Variants in RALYL observed in about 807,000 individuals in gnomAD.
RALYL encodes RNA-binding Raly-like protein.
A neutral mutation model predicts 35.1 loss-of-function variants in RALYL; 29 were observed. That is an observed-to-expected ratio of 0.83 (90% CI 0.61 to 1.13). RALYL has a LOEUF of 1.13. Among genes scored for constraint, RALYL ranks in the 50% most tolerant of loss-of-function variants. The pLI, the probability that RALYL is intolerant of heterozygous loss-of-function variation, is 0.00. For synonymous variants in RALYL, 120 were observed against 127.6 expected (o/e 0.94, Z 0.40); for missense variants, 359 against 360.4 (o/e 1.00, Z 0.03).
chr8:84,835,636 T>C (rs1364871665), intron 4 of RALYL, among the ~76,000 whole-genome samples: 26 of 139,890 alleles, frequency 1.9e-4, no homozygotes, highest in Non-Finnish European at 6.0e-5. Context: ...TGAGCCAAGA[T>C]CGTGCCATTG....
chr8:84,345,945 T>A (rs150672917), intron 1 of RALYL, among the ~76,000 whole-genome samples: 1 of 152,228 alleles, frequency 6.6e-6, no homozygotes, highest in African/African-American at 2.4e-5. Flanking sequence ...TACCTGCCCT[T>A]TCCATCTGTG....
At chr8:84,467,878 A>T (rs564957746) in intron 1 of RALYL, among the ~76,000 whole-genome samples, 6,651 of 134,634 alleles carry the variant, frequency 0.049, 295 homozygotes, top group Non-Finnish European at 0.072. Context: ...TGTTGAATTG[A>T]TCCCTTTACC....
intron 3 of RALYL, among the ~76,000 whole-genome samples, chr8:84,780,629 C>T (rs1054980195): frequency 6.6e-6 from 1 of 152,134 alleles, no homozygotes; most frequent in Non-Finnish European, 1.5e-5. Context: ...AAATGTTAGA[C>T]ATACCTCCTA....
At chr8:84,340,401 A>T (rs1243257300) in intron 1 of RALYL, among the ~76,000 whole-genome samples, 2 of 152,106 alleles carry the variant, frequency 1.3e-5, no homozygotes, top group Non-Finnish European at 2.9e-5. Context: ...CATCTTACAT[A>T]ACTGAAACAC....
At chr8:84,809,808 C>T (rs947683919) in intron 4 of RALYL, among the ~76,000 whole-genome samples, 1 of 152,012 alleles carries the variant, frequency 6.6e-6, no homozygotes, top group African/African-American at 2.4e-5. Context: ...TTTCGTATTT[C>T]AGTGGTGTCA....
intron 2 of RALYL, among the ~76,000 whole-genome samples, chr8:84,671,512 A>G (rs1400468408): frequency 6.6e-6 from 1 of 152,190 alleles, no homozygotes; most frequent in African/African-American, 2.4e-5. Flanking sequence ...CTGCCTGAAC[A>G]TCCACGTGTT....
Position 84,472,277 on chromosome 8 carries a change from CTT to C in RALYL, c.-23-57019_-23-57018del, listed in dbSNP as rs1489823035. On this transcript the variant is annotated intron_variant, in intron 1 of 8. Coordinates refer to ENST00000521268, the MANE Select transcript of RALYL (RefSeq NM_173848.7). ...TAAGGTATGCTTCCTCTTATTTCCT[CTT>C]TTAAGGGAGATAGGTATATGAATTT... Among the ~76,000 whole-genome samples the C allele has an allele frequency of 7.2e-5, 11 of 152,154 alleles. No individual in the cohort carries two copies. The East Asian group carries it at 2.1e-3, about 29-fold the overall frequency.
At chr8:84,661,690 G>C (rs1830953514) in intron 2 of RALYL, among the ~76,000 whole-genome samples, 1 of 151,264 alleles carries the variant, frequency 6.6e-6, no homozygotes, top group South Asian at 2.1e-4. Flanking sequence ...GTGCAGGTTA[G>C]TTACATGTGT....
In RALYL at chr8:84,359,895, C is replaced by G. The variant is rs201313841; in HGVS notation, c.-23-169404C>G. On this transcript the variant is annotated intron_variant, in intron 1 of 8. Coordinates refer to ENST00000521268, the MANE Select transcript of RALYL (RefSeq NM_173848.7). Reference sequence around the variant, plus strand: ...AAAATATCATGTTTTTTTTTTTTTTCTTTTAACTTTTTTTCTTTTGAGACA... The same window carrying G: ...AAAATATCATGTTTTTTTTTTTTTTGTTTTAACTTTTTTTCTTTTGAGACA... 1.3e-4 allele frequency among the ~76,000 whole-genome samples: 15 copies of G among 119,760 alleles called. 1 individual carries two copies. The East Asian group carries it at 2.6e-3, about 21-fold the overall frequency. The allele number at this position is 119,760 out of a possible 152,430, so 78.6% of individuals were successfully genotyped here.
intron 1 of RALYL, among the ~76,000 whole-genome samples, chr8:84,192,836 C>T (rs1441862901): frequency 1.3e-5 from 2 of 148,896 alleles, no homozygotes; most frequent in Admixed American, 1.3e-4. Context: ...AATCACCGTG[C>T]CCAGCCCGCA....
At chr8:84,523,573 G>A (rs1158603877) in intron 1 of RALYL, among the ~76,000 whole-genome samples, 7 of 151,308 alleles carry the variant, frequency 4.6e-5, no homozygotes, top group East Asian at 2.0e-4. Context: ...GTGCAGGTTA[G>A]TTACATATGT....
At chr8:84,523,488 CTGT>C (rs1260470542) in intron 1 of RALYL, among the ~76,000 whole-genome samples, 5 of 151,832 alleles carry the variant, frequency 3.3e-5, no homozygotes, top group African/African-American at 4.8e-5. Flanking sequence ...TTTGATATTT[CTGT>C]TGTTGTTTTT....
At chr8:84,756,934 C>A (rs1295779104) in intron 2 of RALYL, among the ~76,000 whole-genome samples, 1 of 151,998 alleles carries the variant, frequency 6.6e-6, no homozygotes, top group Non-Finnish European at 1.5e-5. Flanking sequence ...CAATTTCTTA[C>A]TTGATTTAGA....
At chr8:84,846,469 AT>A (rs1834680934) in intron 4 of RALYL, among the ~76,000 whole-genome samples, 1 of 152,070 alleles carries the variant, frequency 6.6e-6, no homozygotes, top group South Asian at 2.1e-4. Context: ...AATGCTACCT[AT>A]TTTTGTGTAT....
intron 1 of RALYL, among the ~76,000 whole-genome samples, chr8:84,462,939 T>G (rs1170597629): frequency 1.3e-5 from 2 of 151,942 alleles, no homozygotes; most frequent in Non-Finnish European, 2.9e-5. Context: ...TATTCATTCA[T>G]TCATTCATTC....
At chr8:84,704,889 C>G (rs1840914054) in intron 2 of RALYL, among the ~76,000 whole-genome samples, 1 of 152,128 alleles carries the variant, frequency 6.6e-6, no homozygotes, top group South Asian at 2.1e-4. Context: ...TAGTAGGTAG[C>G]CTGGATTTGT....
At chr8:84,826,256 C>T (rs950452399) in intron 4 of RALYL, among the ~76,000 whole-genome samples, 2 of 144,462 alleles carry the variant, frequency 1.4e-5, no homozygotes, top group African/African-American at 5.2e-5. Flanking sequence ...TACAATGCAC[C>T]CAAGTAACAA....
chr8:84,271,230 G>A (rs1027284210), intron 1 of RALYL, among the ~76,000 whole-genome samples: 1 of 150,220 alleles, frequency 6.7e-6, no homozygotes, highest in African/African-American at 2.4e-5. Context: ...TTTAAAAATG[G>A]GAAAAATATT....
intron 2 of RALYL, among the ~76,000 whole-genome samples, chr8:84,612,623 C>A (rs1401030987): frequency 4.0e-5 from 6 of 151,296 alleles, no homozygotes; most frequent in Admixed American, 3.9e-4. Flanking sequence ...TAATACGATT[C>A]TTTTATGTGA....
Sources: gnomAD v4.1 joint callset for allele counts (sites outside exome capture counted in the v4.1 genomes callset) on GRCh38, gnomAD v4.1.1 for gene constraint, MANE v1.5 for transcripts, NCBI Gene and HGNC (gene_info 2026-07-23, HGNC 2026-07-21) for gene names.